The following TBC1D7 variants were observed in gnomAD, a reference collection of about 807,000 sequenced individuals.
TBC1D7 encodes TBC1 domain family member 7.
TBC1D7 carries 33 observed loss-of-function variants against 35.3 expected under a neutral mutation model. That is an observed-to-expected ratio of 0.93 (90% CI 0.71 to 1.25). TBC1D7 has a LOEUF of 1.25. Among genes scored for constraint, TBC1D7 ranks in the 50% most tolerant of loss-of-function variants. TBC1D7 has a pLI of 0.00. For missense variants in TBC1D7, 362 were observed against 365.3 expected, an observed-to-expected ratio of 0.99 and a Z score of 0.07; for synonymous variants, 135 against 129.5, an observed-to-expected ratio of 1.04 and a Z score of -0.29.
At chr6:13,318,358 A>G (rs962176081) in intron 4 of TBC1D7, among the ~76,000 whole-genome samples, 1 of 152,242 alleles carries the variant, frequency 6.6e-6, no homozygotes, top group African/African-American at 2.4e-5. Flanking sequence ...CTGAGGCTGC[A>G]GTAAAGGTGT....
chr6:13,323,109 T>C (rs1329924042), intron 3 of TBC1D7, among the ~76,000 whole-genome samples: 1 of 152,078 alleles, frequency 6.6e-6, no homozygotes, highest in Non-Finnish European at 1.5e-5. Flanking sequence ...TCCCAGCACT[T>C]TGGGAGGCCG....
chr6:13,313,433 T>C (rs900713755), intron 5 of TBC1D7, among the ~76,000 whole-genome samples: 4 of 152,194 alleles, frequency 2.6e-5, no homozygotes, highest in African/African-American at 7.2e-5. Flanking sequence ...GGAGCATAAA[T>C]TGATATGGCC....
rs139265053 is a variant in TBC1D7, at chr6:13,316,027, G to A, written c.519+544C>T. Among the ~76,000 whole-genome samples the A allele has an allele frequency of 2.7e-3, 408 of 152,250 alleles. 1 individual carries two copies. Among genetic ancestry groups the A allele is most frequent in the African/African-American group, 9.2e-3 (383 of 41,524 alleles). On this transcript the variant is annotated intron_variant, in intron 5 of 7. Transcript: ENST00000379300. ...TGCCTAGAACACAGACGTCATGGCC[G>A]CTGGTCCAAGAGCAACCTTGTGAGC...
intron 4 of TBC1D7, chr6:13,319,178 G>A (rs1158566900): frequency 3.3e-5 from 5 of 152,306 alleles, no homozygotes; most frequent in African/African-American, 1.2e-4. Flanking sequence ...AACTGTTCCA[G>A]GCCAGGCACA....
At chr6:13,324,234 TCTC>T (rs1316576136) in intron 3 of TBC1D7, among the ~76,000 whole-genome samples, 10 of 152,104 alleles carry the variant, frequency 6.6e-5, no homozygotes, top group Non-Finnish European at 1.3e-4. Flanking sequence ...TTCAAGCGAT[TCTC>T]CTTCCTCAGC....
intron 5 of TBC1D7, among the ~76,000 whole-genome samples, chr6:13,311,772 C>T (rs1380579139): frequency 6.6e-6 from 1 of 152,044 alleles, no homozygotes; most frequent in Non-Finnish European, 1.5e-5. Context: ...AAAAGGCAAG[C>T]TCAAGAATAG....
intron 5 of TBC1D7, 28 bp downstream of exon 5, chr6:13,316,543 A>G (rs749229782): frequency 1.9e-6 from 3 of 1,592,498 alleles, no homozygotes; most frequent in East Asian, 4.5e-5. Context: ...TCACTCTCCA[A>G]TAGCCAAAAA....
intron 3 of TBC1D7, among the ~76,000 whole-genome samples, chr6:13,322,076 C>T (rs1172173988): frequency 6.6e-6 from 1 of 152,004 alleles, no homozygotes; most frequent in Admixed American, 6.6e-5. Context: ...TTGGGAAACC[C>T]TGTCTCTACA....
At chr6:13,305,516 CATGGAAA>C in intron 7 of TBC1D7, 1 of 379,176 alleles carries the variant, frequency 2.6e-6, no homozygotes, top group Non-Finnish European at 4.9e-6. Context: ...TGAGGTAACC[CATGGAAA>C]ATACTTAGCA....
chr6:13,316,848 G>A, intron 4 of TBC1D7, 140 bp from the exon 5 acceptor site: 1 of 1,026,726 alleles, frequency 9.7e-7, no homozygotes, highest in Non-Finnish European at 1.4e-6. Context: ...AAAGCACAGA[G>A]TCCCTCCCTG....
chr6:13,323,552 G>A (rs1331150746), intron 3 of TBC1D7, among the ~76,000 whole-genome samples: 1 of 152,034 alleles, frequency 6.6e-6, no homozygotes, highest in Non-Finnish European at 1.5e-5. Flanking sequence ...ACCCCAGAAG[G>A]CACGGAGAAC....
At chr6:13,312,362 A>G (rs1426301202) in intron 5 of TBC1D7, among the ~76,000 whole-genome samples, 1 of 152,192 alleles carries the variant, frequency 6.6e-6, no homozygotes, top group African/African-American at 2.4e-5. Flanking sequence ...ACAAAGAGCT[A>G]AATTTAAAAT....
chr6:13,314,044 C>T (rs1005133917), intron 5 of TBC1D7, among the ~76,000 whole-genome samples: 3 of 152,150 alleles, frequency 2.0e-5, no homozygotes, highest in Admixed American at 2.0e-4. Flanking sequence ...CGGTGAAACC[C>T]CATCTCTACT....
rs76778018 is a variant in TBC1D7, at chr6:13,307,845, G to C, written c.520-100C>G. 1.7e-4 allele frequency: 224 copies of C among 1,291,870 alleles called. No individual in the cohort carries two copies. The African/African-American group carries it at 2.9e-3, about 17-fold the overall frequency. 80.0% of individuals were successfully genotyped at this position (1,291,870 alleles called of 1,614,324 possible). On this transcript the variant is annotated intron_variant, in intron 5 of 7. Coordinates refer to ENST00000379300, the MANE Select transcript of TBC1D7 (RefSeq NM_016495.6). ...AAAAAAAGTACATGCTGAATTCAAG[G>C]AAGTATTAGAAAACAAAACTTCAGA...
At chr6:13,327,517 T>A in intron 1 of TBC1D7, among the ~76,000 whole-genome samples, 1 of 152,340 alleles carries the variant, frequency 6.6e-6, no homozygotes, top group East Asian at 1.9e-4. Context: ...TCCTCACTTA[T>A]CTTTCTTTTA....
intron 4 of TBC1D7, 176 bp downstream of exon 4, chr6:13,320,732 G>C: frequency 1.4e-6 from 1 of 714,570 alleles, no homozygotes; most frequent in Non-Finnish European, 2.5e-6. Context: ...CAAAAAGTAA[G>C]AAGGTTGGGT....
chr6:13,327,088 A>T (rs1372501853), intron 1 of TBC1D7, 182 bp from the exon 2 acceptor site: 2 of 440,436 alleles, frequency 4.5e-6, no homozygotes, highest in Non-Finnish European at 8.0e-6. Flanking sequence ...CAACTATCTC[A>T]CCTATGCATC....
In TBC1D7 at chr6:13,309,892, A is replaced by G. The variant is rs942011299; in HGVS notation, c.520-2147T>C. Among the ~76,000 whole-genome samples the G allele has an allele frequency of 2.0e-5, 3 of 150,030 alleles. 1 individual carries two copies. Among genetic ancestry groups the G allele is most frequent in the Non-Finnish European group, 2.9e-5 (2 of 67,994 alleles). ...GAAAAAAGCCAAGAACTCTATAGGG[A>G]AAAAAAATGCACCTGCCTCTTACCC... On this transcript the variant is annotated intron_variant, in intron 5 of 7. Coordinates refer to ENST00000379300, the MANE Select transcript of TBC1D7 (RefSeq NM_016495.6).
At chr6:13,310,940 G>C (rs1040795295) in intron 5 of TBC1D7, among the ~76,000 whole-genome samples, 2 of 152,078 alleles carry the variant, frequency 1.3e-5, no homozygotes, top group African/African-American at 2.4e-5. Flanking sequence ...ATTATAGATA[G>C]ATGTGATTTA....
Sources: gnomAD v4.1 joint callset for allele counts (sites outside exome capture counted in the v4.1 genomes callset) on GRCh38, gnomAD v4.1.1 for gene constraint, MANE v1.5 for transcripts, NCBI Gene and HGNC (gene_info 2026-07-23, HGNC 2026-07-21) for gene names.